ZNF185: variants seen among roughly 807,000 people sequenced by gnomAD.
ZNF185 encodes the protein zinc finger protein 185 with LIM domain, also known as zinc finger protein 185.
Under a neutral mutation model 58.6 loss-of-function variants are expected in ZNF185, and 56 were observed. That is an observed-to-expected ratio of 0.95 (90% CI 0.77 to 1.19). The LOEUF (loss-of-function observed/expected upper bound fraction) is 1.19, where lower values mean the gene tolerates loss of function less well. Among genes scored for constraint, ZNF185 ranks in the 50% most tolerant of loss-of-function variants. The pLI is 0.00. For missense variants in ZNF185, 627 were observed against 573.5 expected (o/e 1.09, Z -0.95); for synonymous variants, 230 against 215.9 (o/e 1.07, Z -0.57).
intron 4 of ZNF185, 51 bp downstream of exon 5, chrX:152,917,220 C>A: frequency 5.8e-6 from 7 of 1,211,161 alleles, no homozygotes; most frequent in Non-Finnish European, 7.8e-6. Context: ...TCACGCCAAG[C>A]CCTGACTTCT....
In ZNF185 at chrX:152,970,546, G is replaced by A. The variant is rs782696269; in HGVS notation, c.*5G>A. On this transcript the variant is annotated splice_donor_5th_base_variant and intron_variant, in intron 22 of 22. Coordinates refer to ENST00000449285, the Ensembl canonical transcript of ZNF185. ...TGCTATGAGAAGCTCTTCTAGGTGG[G>A]TGCTGGCACTGCAAAGGACAAGTGG... 1 of 1,205,969 alleles carries A rather than the reference G, an allele frequency of 8.3e-7. No homozygotes were observed. The highest frequency in any genetic ancestry group is 1.8e-5 in the South Asian group (1 of 56,721).
intron 15 of ZNF185, 104 bp downstream of exon 17, chrX:152,938,267 T>C (rs1640158969): frequency 1.3e-6 from 1 of 772,695 alleles, no homozygotes; most frequent in Non-Finnish European, 1.9e-6. Flanking sequence ...GCAAGGTTTG[T>C]GAGCTGGCCT....
intron 15 of ZNF185, among the ~76,000 whole-genome samples, chrX:152,938,913 GAGA>G (rs1376294195): frequency 4.4e-4 from 32 of 72,359 alleles, no homozygotes; most frequent in African/African-American, 2.2e-3. Flanking sequence ...CTCTAAAGAG[GAGA>G]AGGAGCCAAC....
chrX:152,905,903 G>A, the ZNF185 span, among the ~76,000 whole-genome samples: 1 of 111,782 alleles, frequency 8.9e-6, no homozygotes, highest in Non-Finnish European at 1.9e-5. Flanking sequence ...CTCCAGGGGA[G>A]CTACCTGGGC....
chrX:152,932,983 G>A lies in ZNF185; in HGVS notation c.1121+12G>A, dbSNP rs782560368. On this transcript the variant is annotated intron_variant, in intron 14 of 22. Coordinates refer to ENST00000449285, the Ensembl canonical transcript of ZNF185. Reference sequence around the variant, plus strand: ...TCCGAGAGAGGAAGGTGAGCTGCCCGGGGGAGGCAGGTTCTCTCATGCCCC... The same window carrying A: ...TCCGAGAGAGGAAGGTGAGCTGCCCAGGGGAGGCAGGTTCTCTCATGCCCC... 8 of 1,150,308 alleles carry A rather than the reference G, an allele frequency of 7.0e-6. No homozygotes were observed. The highest frequency in any genetic ancestry group is 2.5e-5 in the Admixed American group (1 of 39,656). 94.8% of individuals were successfully genotyped at this position (1,150,308 alleles called of 1,213,427 possible).
At chrX:152,922,304 T>C in intron 10 of ZNF185, 48 bp downstream of exon 11, 17 of 1,104,759 alleles carry the variant, frequency 1.5e-5, no homozygotes, top group Non-Finnish European at 2.0e-5. Flanking sequence ...CTGCCATACC[T>C]GCCACTCAGT....
In ZNF185 at chrX:152,950,573, A is replaced by AT. The variant is rs369499953; in HGVS notation, c.1409+5119dup. ...TAGACTAATTTAGGGAAGGTTCTGC[A>AT]TTTTTTTTTTGATTTGACAATGTTT... is the stretch of plus-strand genomic sequence containing the variant. On this transcript the variant is annotated intron_variant, in intron 16 of 22. Coordinates refer to ENST00000449285, the Ensembl canonical transcript of ZNF185. 3.8e-3 allele frequency among the ~76,000 whole-genome samples: 414 copies of AT among 108,310 alleles called. 1 individual carries two copies. Among genetic ancestry groups the AT allele is most frequent in the African/African-American group, 0.012 (348 of 29,961 alleles). 94.1% of individuals were successfully genotyped at this position (108,310 alleles called of 115,157 possible).
At chrX:152,901,837 A>G in the ZNF185 span, among the ~76,000 whole-genome samples, 1 of 112,028 alleles carries the variant, frequency 8.9e-6, no homozygotes, top group Non-Finnish European at 1.9e-5. Flanking sequence ...CTGGAAAAGG[A>G]AAAGACAAGA....
At chrX:152,954,137 TAA>T (rs36068481) in intron 16 of ZNF185, among the ~76,000 whole-genome samples, 13 of 94,616 alleles carry the variant, frequency 1.4e-4, no homozygotes, top group East Asian at 3.2e-4. Flanking sequence ...CACAAAATAA[TAA>T]AAAAAAAAAA....
At position 152,950,937 on chromosome X, in the gene ZNF185, A is replaced by G. The variant is rs190270859; in HGVS notation, c.1409+5473A>G. 7.1e-5 allele frequency among the ~76,000 whole-genome samples: 8 copies of G among 112,444 alleles called. No homozygotes were observed. In the Admixed American group the frequency reaches 7.5e-4, roughly 11 times the overall value. ...CTTTAAAATTGAAAAGACTTTAAAAAAATAACTAAGGACATAATAAACTGA... is the reference window on the plus strand; with the variant it reads ...CTTTAAAATTGAAAAGACTTTAAAAGAATAACTAAGGACATAATAAACTGA... On this transcript the variant is annotated intron_variant, in intron 16 of 22. Transcript: ENST00000449285.
intron 21 of ZNF185, 72 bp from the exon 24 acceptor site, chrX:152,970,371 A>G: frequency 9.8e-7 from 1 of 1,024,502 alleles, no homozygotes; most frequent in Non-Finnish European, 1.4e-6. Flanking sequence ...TTGTTCAGGC[A>G]TCCCCTTCCC....
At chrX:152,943,495 C>T (rs1251912671) in intron 15 of ZNF185, among the ~76,000 whole-genome samples, 1 of 112,333 alleles carries the variant, frequency 8.9e-6, no homozygotes, top group East Asian at 2.8e-4. Flanking sequence ...ACTTGACTTC[C>T]AGGAAGTTCA....
At chrX:152,902,142 GGCT>G in the ZNF185 span, among the ~76,000 whole-genome samples, 2 of 112,519 alleles carry the variant, frequency 1.8e-5, no homozygotes, top group African/African-American at 6.5e-5. Context: ...CTGCCCTTGG[GGCT>G]GCTGCTGCTG....
chrX:152,965,599 C>T, intron 19 of ZNF185, 72 bp downstream of exon 21: 3 of 943,056 alleles, frequency 3.2e-6, no homozygotes, highest in Non-Finnish European at 3.0e-6. Context: ...CCCTGCATTT[C>T]CAGTTCCTTG....
intron 7 of ZNF185, 99 bp downstream of exon 8, chrX:152,919,180 T>G (rs1044821254): frequency 9.1e-6 from 6 of 659,308 alleles, no homozygotes; most frequent in Admixed American, 2.7e-5. Flanking sequence ...GGTGACAAAA[T>G]GCACAACACG....
Position 152,918,831 on chromosome X carries a change from G to A in ZNF185, c.432-152G>A, listed in dbSNP as rs782366687. 2.7e-5 allele frequency among the ~76,000 whole-genome samples: 3 copies of A among 111,670 alleles called. No homozygotes were observed. In the South Asian group the frequency reaches 1.1e-3, roughly 43 times the overall value. On this transcript the variant is annotated intron_variant, in intron 6 of 22. Transcript: ENST00000449285. The stretch of plus-strand genomic sequence containing the variant: ...GGGGAGAGGCTCGAACAGGGAGGGA[G>A]GGGAGAGCTGGTCTCAGGGAGGAAC...
chrX:152,905,718 G>GC, the ZNF185 span, among the ~76,000 whole-genome samples: 2,428 of 108,837 alleles, frequency 0.022, 83 homozygotes, highest in African/African-American at 0.077. Context: ...AGGCTTGGGG[G>GC]GGGGGCGGGG....
At chrX:152,911,657 C>T (rs1259875496), upstream of ZNF185, among the ~76,000 whole-genome samples, 1 of 68,518 alleles carries the variant, frequency 1.5e-5, no homozygotes, top group Non-Finnish European at 2.8e-5. Flanking sequence ...CCATCCCATC[C>T]CATCCCATCC....
intron 3 of ZNF185, 129 bp downstream of exon 4, chrX:152,915,332 C>A: frequency 1.6e-6 from 1 of 644,503 alleles, no homozygotes; most frequent in Non-Finnish European, 2.3e-6. Flanking sequence ...CAAGGGTCTG[C>A]AATGAGTAAT....
Sources: gnomAD v4.1 joint callset for allele counts (sites outside exome capture counted in the v4.1 genomes callset) on GRCh38, gnomAD v4.1.1 for gene constraint, MANE v1.5 for transcripts, NCBI Gene and HGNC (gene_info 2026-07-23, HGNC 2026-07-21) for gene names.